Variants in CSDC2 observed in about 807,000 individuals in gnomAD.
CSDC2 encodes the protein cold shock domain-containing protein C2.
CSDC2 carries 8 observed loss-of-function variants against 15.8 expected under a neutral mutation model. That is an observed-to-expected ratio of 0.51 (90% CI 0.30 to 0.92). The LOEUF (loss-of-function observed/expected upper bound fraction) is 0.92. CSDC2 is among the 40% of genes least tolerant of loss of function. The probability of loss-of-function intolerance (pLI) is 0.07; values close to 1 mark genes in which losing one functional copy is unlikely to be tolerated. For missense variants in CSDC2, 195 were observed against 213.3 expected, an observed-to-expected ratio of 0.91 and a Z score of 0.53; for synonymous variants, 96 against 92.3, an observed-to-expected ratio of 1.04 and a Z score of -0.23.
chr22:41,570,008 G>T (rs1341586709), intron 1 of CSDC2, among the ~76,000 whole-genome samples: 2 of 152,008 alleles, frequency 1.3e-5, no homozygotes, highest in African/African-American at 4.8e-5. Flanking sequence ...TCGAACTCCT[G>T]ACCTCAAGTG....
chr22:41,572,844 T>C (rs1436456247), intron 2 of CSDC2, among the ~76,000 whole-genome samples: 1 of 152,008 alleles, frequency 6.6e-6, no homozygotes, highest in South Asian at 2.1e-4. Context: ...TGAGGTGGCA[T>C]AGGGGAGTAA....
Position 41,566,579 on chromosome 22 carries a change from C to G in CSDC2, c.-123-5264C>G, listed in dbSNP as rs932514023. On this transcript the variant is annotated intron_variant, in intron 1 of 3. Transcript: ENST00000306149. ...CTGGGAGGCAGAGGTTGCAGTGAGC[C>G]GAGATCACGCCACTGCACTCCAGCC... 3.4e-5 allele frequency among the ~76,000 whole-genome samples: 5 copies of G among 148,230 alleles called. No homozygotes were observed. In the Admixed American group the frequency reaches 3.4e-4, roughly 10 times the overall value.
chr22:41,565,449 CA>C (rs34460484), intron 1 of CSDC2, among the ~76,000 whole-genome samples: 6,668 of 57,466 alleles, frequency 0.12, 312 homozygotes, highest in African/African-American at 0.26. Flanking sequence ...GATTCCATCT[CA>C]AAAAAAAAAA....
chr22:41,574,586 CGA>C (rs1480716217), intron 3 of CSDC2, 145 bp from the exon 4 acceptor site: 2 of 889,128 alleles, frequency 2.2e-6, no homozygotes, highest in African/African-American at 3.4e-5. Context: ...TTTACAGATT[CGA>C]GAGCTGAGGT....
intron 2 of CSDC2, among the ~76,000 whole-genome samples, chr22:41,572,710 G>A (rs1253545541): frequency 6.6e-6 from 1 of 152,176 alleles, no homozygotes; most frequent in African/African-American, 2.4e-5. Context: ...AGGTGAAGAA[G>A]GGAGCTGGCG....
chr22:41,572,244 A>T, intron 2 of CSDC2, 103 bp downstream of exon 2: 1 of 1,013,858 alleles, frequency 9.9e-7, no homozygotes. Context: ...GGACAGGGGA[A>T]CTGTGTGTGG....
chr22:41,564,632 C>T (rs2067104491), intron 1 of CSDC2, among the ~76,000 whole-genome samples: 1 of 152,166 alleles, frequency 6.6e-6, no homozygotes, highest in Non-Finnish European at 1.5e-5. Context: ...AGCTGTTGCC[C>T]CACGTTTGTT....
At chr22:41,573,815 C>T (rs1433829375) in intron 3 of CSDC2, 38 bp downstream of exon 3, 2 of 1,594,552 alleles carry the variant, frequency 1.3e-6, no homozygotes, top group Non-Finnish European at 1.7e-6. Context: ...GGCCCCTGCC[C>T]TAGTGTCCCC....
chr22:41,561,835 C>T (rs995197534), intron 1 of CSDC2, among the ~76,000 whole-genome samples: 13 of 152,198 alleles, frequency 8.5e-5, no homozygotes, highest in African/African-American at 2.9e-4. Flanking sequence ...GCACAGCCCC[C>T]GGAGGGCAGG....
At chr22:41,565,658 G>C (rs2067110454) in intron 1 of CSDC2, among the ~76,000 whole-genome samples, 1 of 152,146 alleles carries the variant, frequency 6.6e-6, no homozygotes. Flanking sequence ...ATCCTTTTAG[G>C]GGAGCTGAGA....
At position 41,574,777 on chromosome 22, in the gene CSDC2, A is replaced by G. The variant is rs2067166415; in HGVS notation, c.344A>G (p.Tyr115Cys). ...CCAGTGGAGGGCGACGAGGTGACCT[A>G]CAAGATGTGCCCTATCCCTCCCAAG... ...YVPVEGDEVT[Y>C]KMCPIPPKNQ... Residue 115 changes from tyrosine (Y) to cysteine (C), a missense_variant, in exon 4 of 4, where the codon TAC becomes TGC. Coordinates refer to ENST00000306149, the MANE Select transcript of CSDC2 (RefSeq NM_014460.4). 1 of 1,613,844 alleles carries G rather than the reference A, an allele frequency of 6.2e-7. No homozygotes were observed. Among genetic ancestry groups the G allele is most frequent in the Non-Finnish European group, 8.5e-7 (1 of 1,180,020 alleles).
At chr22:41,572,359 C>CCCACCCACCCACCCAT (rs2067149905) in intron 2 of CSDC2, among the ~76,000 whole-genome samples, 5 of 40,154 alleles carry the variant, frequency 1.2e-4, no homozygotes, top group African/African-American at 3.0e-4. Flanking sequence ...CACCCACCCA[C>CCCACCCACCCACCCAT]CCACCCACCC....
At chr22:41,562,802 C>A (rs2067094122) in intron 1 of CSDC2, among the ~76,000 whole-genome samples, 1 of 152,152 alleles carries the variant, frequency 6.6e-6, no homozygotes, top group Non-Finnish European at 1.5e-5. Flanking sequence ...TGCCCCACAG[C>A]CAGCAAAATG....
At chr22:41,568,972 C>T (rs981689293) in intron 1 of CSDC2, among the ~76,000 whole-genome samples, 2 of 152,276 alleles carry the variant, frequency 1.3e-5, no homozygotes, top group East Asian at 1.9e-4. Context: ...CTGGTAACCA[C>T]CATGAGCTGC....
chr22:41,575,188 C>T lies in CSDC2; in HGVS notation c.*293C>T. 1 of 476,502 alleles carries T rather than the reference C, an allele frequency of 2.1e-6. No individual in the cohort carries two copies. The highest frequency in any genetic ancestry group is 3.8e-6 in the Non-Finnish European group (1 of 262,924). 29.5% of individuals were successfully genotyped at this position (476,502 alleles called of 1,614,324 possible). The stretch of plus-strand genomic sequence containing the variant: ...CCTCCCTGCCGCAGACACGCAGGAC[C>T]CGCTCGCCCTCCTGCTTACCCGTCC... On this transcript the variant is annotated 3_prime_UTR_variant, in exon 4 of 4. Coordinates refer to ENST00000306149, the MANE Select transcript of CSDC2 (RefSeq NM_014460.4).
chr22:41,561,393 G>A (rs979749880), intron 1 of CSDC2, among the ~76,000 whole-genome samples: 7 of 152,212 alleles, frequency 4.6e-5, no homozygotes, highest in African/African-American at 7.2e-5. Flanking sequence ...TGTGGCTCCC[G>A]TGGGAGCATG....
intron 3 of CSDC2, 121 bp downstream of exon 3, chr22:41,573,898 T>G (rs748104653): frequency 1.4e-5 from 19 of 1,321,960 alleles, no homozygotes; most frequent in Non-Finnish European, 1.9e-5. Context: ...GTGCCTTTTC[T>G]GTCCTCTGAG....
Position 41,574,765 on chromosome 22 carries a change from A to G in CSDC2, c.332A>G (p.Asp111Gly), listed in dbSNP as rs1468664761. 6 of 1,613,798 alleles carry G rather than the reference A, an allele frequency of 3.7e-6. No homozygotes were observed. Among genetic ancestry groups the G allele is most frequent in the Non-Finnish European group, 8.5e-7 (1 of 1,180,016 alleles). The change falls in exon 4 of 4, where the codon GAC becomes GGC. Residue 111 changes from aspartate (D) to glycine (G), a missense_variant. Coordinates refer to ENST00000306149, the MANE Select transcript of CSDC2 (RefSeq NM_014460.4). ...IEGEYVPVEG[D>G]EVTYKMCPIP... ...GGGGAGTACGTGCCAGTGGAGGGCG[A>G]CGAGGTGACCTACAAGATGTGCCCT...
At chr22:41,571,403 T>A (rs1601997025) in intron 1 of CSDC2, among the ~76,000 whole-genome samples, 1 of 151,318 alleles carries the variant, frequency 6.6e-6, no homozygotes, top group Non-Finnish European at 1.5e-5. Flanking sequence ...AGCCAGAAGG[T>A]GGAGGATGCA....
Sources: gnomAD v4.1 joint callset for allele counts (sites outside exome capture counted in the v4.1 genomes callset) on GRCh38, gnomAD v4.1.1 for gene constraint, MANE v1.5 for transcripts, NCBI Gene and HGNC (gene_info 2026-07-23, HGNC 2026-07-21) for gene names.